LRRTM4: variants seen among roughly 807,000 people sequenced by gnomAD.
LRRTM4 encodes leucine rich repeat transmembrane neuronal 4, also known as leucine-rich repeat transmembrane neuronal protein 4.
In LRRTM4, 25 loss-of-function variants were observed where a neutral mutation model predicts 47.6. That is an observed-to-expected ratio of 0.53 (90% CI 0.38 to 0.73). The LOEUF (loss-of-function observed/expected upper bound fraction) is 0.73, where lower values mean the gene tolerates loss of function less well. Ranked by LOEUF, LRRTM4 falls within the 30% of genes least tolerant of loss-of-function variation. LRRTM4 has a pLI of 0.00. For missense variants in LRRTM4, 638 were observed against 713.4 expected, an observed-to-expected ratio of 0.89 and a Z score of 1.20; for synonymous variants, 311 against 269.5, an observed-to-expected ratio of 1.15 and a Z score of -1.51.
intron 3 of LRRTM4, among the ~76,000 whole-genome samples, chr2:76,862,631 G>A (rs775506951): frequency 1.3e-5 from 2 of 152,104 alleles, no homozygotes; most frequent in African/African-American, 2.4e-5. Flanking sequence ...TCTCACACAC[G>A]CGTGCGCGCG....
intron 3 of LRRTM4, among the ~76,000 whole-genome samples, chr2:77,049,472 T>C (rs915511517): frequency 1.3e-5 from 2 of 151,786 alleles, no homozygotes; most frequent in Non-Finnish European, 2.9e-5. Context: ...TTTGTCTTTT[T>C]AATAGCAGCC....
intron 3 of LRRTM4, among the ~76,000 whole-genome samples, chr2:77,217,985 T>A (rs963435590): frequency 7.2e-5 from 11 of 152,132 alleles, no homozygotes; most frequent in African/African-American, 9.7e-5. Flanking sequence ...GCTTTATTTT[T>A]TTTTATTTTA....
intron 3 of LRRTM4, among the ~76,000 whole-genome samples, chr2:77,194,196 T>C (rs531437369): frequency 3.3e-5 from 5 of 152,050 alleles, no homozygotes; most frequent in Admixed American, 3.3e-4. Flanking sequence ...ATATCTTGAG[T>C]ATGGCAGAGA....
chr2:77,392,879 C>T (rs1003663856), intron 3 of LRRTM4, among the ~76,000 whole-genome samples: 1 of 151,972 alleles, frequency 6.6e-6, no homozygotes, highest in African/African-American at 2.4e-5. Flanking sequence ...TAAGTGTTCT[C>T]ATCACACACA....
intron 3 of LRRTM4, among the ~76,000 whole-genome samples, chr2:76,794,656 T>TTATTTTCTTC: frequency 6.6e-6 from 1 of 152,210 alleles, no homozygotes; most frequent in East Asian, 1.9e-4. Context: ...ATTTTTTTGT[T>TTATTTTCTTC]TATTTTCTTC....
intron 3 of LRRTM4, among the ~76,000 whole-genome samples, chr2:77,053,229 C>A (rs1440204279): frequency 6.6e-6 from 1 of 152,134 alleles, no homozygotes; most frequent in Non-Finnish European, 1.5e-5. Context: ...TGACAACTTT[C>A]TCCTATATCT....
Position 77,083,783 on chromosome 2 carries a change from CTTTTT to C in LRRTM4, c.1552-334872_1552-334868del, listed in dbSNP as rs386390525. Among the ~76,000 whole-genome samples, 8 of 52,336 alleles carry C rather than the reference CTTTTT, an allele frequency of 1.5e-4. 1 individual carries two copies. The highest frequency in any genetic ancestry group is 2.3e-4 in the African/African-American group (4 of 17,498). The allele number at this position is 52,336 out of a possible 152,430, so 34.3% of individuals were successfully genotyped here. On this transcript the variant is annotated intron_variant, in intron 3 of 3. Coordinates refer to ENST00000409884, the MANE Select transcript of LRRTM4 (RefSeq NM_001134745.3). The stretch of plus-strand genomic sequence containing the variant: ...ACTTCTCAATTTTTAACTGGACACA[CTTTTT>C]TTTTTTTTTTTTTTTTTTTTTTTTT...
chr2:77,104,069 C>T (rs910648182), intron 3 of LRRTM4, among the ~76,000 whole-genome samples: 5 of 152,146 alleles, frequency 3.3e-5, no homozygotes, highest in Admixed American at 6.5e-5. Context: ...ATTTTTCAAA[C>T]CTTCTCCTCC....
chr2:77,044,938 T>C (rs1679185373), intron 3 of LRRTM4, among the ~76,000 whole-genome samples: 1 of 151,846 alleles, frequency 6.6e-6, no homozygotes, highest in Non-Finnish European at 1.5e-5. Context: ...TGTATATGTG[T>C]GTGTGTATGT....
At chr2:77,404,298 T>A (rs13384843) in intron 3 of LRRTM4, among the ~76,000 whole-genome samples, 3,497 of 152,152 alleles carry the variant, frequency 0.023, 149 homozygotes, top group African/African-American at 0.08. Context: ...AAAAGCACAC[T>A]CTTCTGTTGT....
At chr2:76,797,439 C>A (rs1417011502) in intron 3 of LRRTM4, among the ~76,000 whole-genome samples, 5 of 151,920 alleles carry the variant, frequency 3.3e-5, no homozygotes, top group South Asian at 4.2e-4. Flanking sequence ...ACCACCAGGC[C>A]TGCCCTAAAA....
chr2:77,012,857 T>C (rs903963914), intron 3 of LRRTM4, among the ~76,000 whole-genome samples: 1 of 152,174 alleles, frequency 6.6e-6, no homozygotes, highest in Non-Finnish European at 1.5e-5. Flanking sequence ...GGATATATAA[T>C]ACCAATTTGT....
chr2:77,379,401 A>T lies in LRRTM4; in HGVS notation c.1551+138917T>A, dbSNP rs1420522896. Among the ~76,000 whole-genome samples the T allele has an allele frequency of 3.3e-5, 5 of 152,134 alleles. No homozygotes were observed. In the East Asian group the frequency reaches 9.7e-4, roughly 29 times the overall value. Reference sequence around the variant, plus strand: ...GCACGGCAATATACAAAGAAAATATACAACTACACTCTCTCCTCCAATTAT... The same window carrying T: ...GCACGGCAATATACAAAGAAAATATTCAACTACACTCTCTCCTCCAATTAT... On this transcript the variant is annotated intron_variant, in intron 3 of 3. Transcript: ENST00000409884.
intron 3 of LRRTM4, among the ~76,000 whole-genome samples, chr2:76,892,651 A>T (rs1047208097): frequency 1.3e-5 from 2 of 151,762 alleles, no homozygotes; most frequent in Non-Finnish European, 3.0e-5. Context: ...TTTCAGGAAA[A>T]TAATAATCAG....
At position 77,487,037 on chromosome 2, in the gene LRRTM4, A is replaced by T. The variant is rs1188335579; in HGVS notation, c.1551+31281T>A. Among the ~76,000 whole-genome samples, 3 of 152,182 alleles carry T rather than the reference A, an allele frequency of 2.0e-5. No homozygotes were observed. In the East Asian group the frequency reaches 5.8e-4, roughly 29 times the overall value. ...CTCTAACATATCAATACCTAGCAAA[A>T]ATTTAAAAATTAAATAGAAGTAATG... On this transcript the variant is annotated intron_variant, in intron 3 of 3. Coordinates refer to ENST00000409884, the MANE Select transcript of LRRTM4 (RefSeq NM_001134745.3).
intron 3 of LRRTM4, among the ~76,000 whole-genome samples, chr2:77,215,786 T>G (rs945627341): frequency 5.9e-5 from 9 of 152,228 alleles, no homozygotes; most frequent in African/African-American, 9.6e-5. Context: ...ATGGCTGATT[T>G]TAATTGCCAC....
intron 3 of LRRTM4, among the ~76,000 whole-genome samples, chr2:77,108,578 C>CTTTTTTTTTTTTTTTTTTTTTTT (rs200805423): frequency 1.4e-5 from 2 of 142,948 alleles, no homozygotes; most frequent in African/African-American, 2.6e-5. Flanking sequence ...CACAAACATT[C>CTTTTTTTTTTTTTTTTTTTTTTT]TTTTTTTTTT....
intron 3 of LRRTM4, among the ~76,000 whole-genome samples, chr2:76,934,254 A>G (rs2103842507): frequency 6.6e-6 from 1 of 152,328 alleles, no homozygotes; most frequent in South Asian, 2.1e-4. Flanking sequence ...ATACCCACTT[A>G]CACACATATG....
At chr2:76,795,291 G>A (rs1004064645) in intron 3 of LRRTM4, among the ~76,000 whole-genome samples, 1 of 152,092 alleles carries the variant, frequency 6.6e-6, no homozygotes, top group Non-Finnish European at 1.5e-5. Context: ...TACTTATTGT[G>A]TACAATATCT....
Sources: gnomAD v4.1 joint callset for allele counts (sites outside exome capture counted in the v4.1 genomes callset) on GRCh38, gnomAD v4.1.1 for gene constraint, MANE v1.5 for transcripts, NCBI Gene and HGNC (gene_info 2026-07-23, HGNC 2026-07-21) for gene names.